Variants in PRICKLE1 observed in about 807,000 individuals in gnomAD.
PRICKLE1 encodes prickle planar cell polarity protein 1, also known as prickle-like protein 1.
Under a neutral mutation model 70.2 loss-of-function variants are expected in PRICKLE1, and 14 were observed. That is an observed-to-expected ratio of 0.20 (90% CI 0.13 to 0.31). PRICKLE1 has a LOEUF of 0.31. Ranked by LOEUF, PRICKLE1 falls within the 10% of genes least tolerant of loss-of-function variation. The pLI, the probability that PRICKLE1 is intolerant of heterozygous loss-of-function variation, is 1.00. For synonymous variants in PRICKLE1, 357 were observed against 379.9 expected, an observed-to-expected ratio of 0.94 and a Z score of 0.70; for missense variants, 821 against 1,026.2, an observed-to-expected ratio of 0.80 and a Z score of 2.73.
chr12:42,580,046 T>G (rs191914743), intron 1 of PRICKLE1, among the ~76,000 whole-genome samples: 260 of 150,668 alleles, frequency 1.7e-3, no homozygotes, highest in Non-Finnish European at 2.8e-3. Flanking sequence ...TAATTTTTTG[T>G]TTTTTTTTAG....
At chr12:42,548,505 G>A (rs909715989) in intron 1 of PRICKLE1, among the ~76,000 whole-genome samples, 3 of 152,204 alleles carry the variant, frequency 2.0e-5, no homozygotes, top group Non-Finnish European at 4.4e-5. Context: ...ATCTAGAAGG[G>A]GGTTGAAGGC....
chr12:42,497,869 A>G (rs1007457063), intron 1 of PRICKLE1, among the ~76,000 whole-genome samples: 17 of 151,978 alleles, frequency 1.1e-4, no homozygotes, highest in African/African-American at 4.1e-4. Flanking sequence ...CCCTACTCCT[A>G]CGGCTGCTGC....
intron 5 of PRICKLE1, 100 bp from the exon 6 acceptor site, chr12:42,466,480 G>A: frequency 9.8e-7 from 1 of 1,024,690 alleles, no homozygotes; most frequent in Non-Finnish European, 1.5e-6. Flanking sequence ...GACAGACACT[G>A]GCTCTTAAAA....
chr12:42,583,241 AGACTTT>A (rs1165195367), intron 1 of PRICKLE1, among the ~76,000 whole-genome samples: 1 of 152,078 alleles, frequency 6.6e-6, no homozygotes, highest in Non-Finnish European at 1.5e-5. Flanking sequence ...AGGTTTTAAT[AGACTTT>A]CTATTTCAAC....
In PRICKLE1 at chr12:42,460,535, C is replaced by T. The variant is rs1212454052; in HGVS notation, c.1770G>A (p.Arg590=). 1 of 1,613,986 alleles carries T rather than the reference C, an allele frequency of 6.2e-7. No individual in the cohort carries two copies. The highest frequency in any genetic ancestry group is 8.5e-7 in the Non-Finnish European group (1 of 1,179,996). Residue 590 remains arginine (R), a synonymous_variant, in exon 8 of 8, where the codon AGG becomes AGA. Transcript: ENST00000345127. ...TTAGACTCTTTAAGGACTCTGCACT[C>T]CTGTGCAGCATGGAAGAGTTCAAAG... ...MGTLNSSMLH[R]SAESLKSLSS... is the part of the protein sequence containing the mutation.
At chr12:42,527,863 T>C (rs1314393715) in intron 1 of PRICKLE1, among the ~76,000 whole-genome samples, 2 of 147,842 alleles carry the variant, frequency 1.4e-5, no homozygotes, top group Non-Finnish European at 3.0e-5. Context: ...TATGTAATGA[T>C]AAGTAATCTA....
intron 1 of PRICKLE1, among the ~76,000 whole-genome samples, chr12:42,481,552 A>G (rs1938794746): frequency 6.6e-6 from 1 of 152,238 alleles, no homozygotes; most frequent in African/African-American, 2.4e-5. Context: ...CGTGGGCTAC[A>G]AACTGCTTAA....
At chr12:42,474,812 G>A (rs1938460704) in intron 1 of PRICKLE1, among the ~76,000 whole-genome samples, 1 of 152,138 alleles carries the variant, frequency 6.6e-6, no homozygotes, top group South Asian at 2.1e-4. Context: ...GCTAAATCAG[G>A]CTAAGCAGGG....
chr12:42,571,796 T>C (rs1252356151), intron 1 of PRICKLE1, among the ~76,000 whole-genome samples: 1 of 152,234 alleles, frequency 6.6e-6, no homozygotes, highest in African/African-American at 2.4e-5. Flanking sequence ...CAGAGGTACC[T>C]GTATGAGTAC....
chr12:42,526,793 G>T (rs991337015), intron 1 of PRICKLE1, among the ~76,000 whole-genome samples: 1 of 151,866 alleles, frequency 6.6e-6, no homozygotes, highest in Non-Finnish European at 1.5e-5. Flanking sequence ...GCTGAAAGAG[G>T]CTGAGGCAGA....
At chr12:42,532,371 C>T (rs995520978) in intron 1 of PRICKLE1, among the ~76,000 whole-genome samples, 1 of 152,106 alleles carries the variant, frequency 6.6e-6, no homozygotes, top group African/African-American at 2.4e-5. Context: ...ATTTTACTCA[C>T]ATAATAGAAA....
rs1938008313 is a variant in PRICKLE1, at chr12:42,464,621, C to T, written c.1413G>A (p.Met471Ile). The change falls in exon 7 of 8, where the codon ATG becomes ATA. Residue 471 changes from methionine (M) to isoleucine (I), a missense_variant. Met to Ile is a conservative substitution (Grantham distance 10, BLOSUM62 1). Transcript: ENST00000345127. This position sits in a 1 kb window ranked among gnomAD's most constrained non-coding sequence, Gnocchi z 4.2. ...SLASKKYQSDMYWAQSQDGLG... is the reference protein window; with the variant it reads ...SLASKKYQSDIYWAQSQDGLG... ...GTCCATCTTGTGACTGTGCCCAGTA[C>T]ATATCAGACTGGTATTTTTTACTTG... 1 of 1,613,966 alleles carries T rather than the reference C, an allele frequency of 6.2e-7. No individual in the cohort carries two copies. The highest frequency in any genetic ancestry group is 8.5e-7 in the Non-Finnish European group (1 of 1,180,006).
At chr12:42,555,808 T>C (rs78617426) in intron 1 of PRICKLE1, among the ~76,000 whole-genome samples, 1 of 152,220 alleles carries the variant, frequency 6.6e-6, no homozygotes, top group South Asian at 2.1e-4. Flanking sequence ...TATTTCTGCA[T>C]AGCATTTTCT....
At chr12:42,522,701 A>AT (rs1374524736) in intron 1 of PRICKLE1, among the ~76,000 whole-genome samples, 1 of 152,186 alleles carries the variant, frequency 6.6e-6, no homozygotes, top group East Asian at 1.9e-4. Context: ...ATTGCATCAA[A>AT]TAAGTTTTAT....
intron 1 of PRICKLE1, among the ~76,000 whole-genome samples, chr12:42,555,120 T>C (rs1940393009): frequency 1.3e-5 from 2 of 152,082 alleles, no homozygotes; most frequent in South Asian, 4.1e-4. Flanking sequence ...CTGGGCAACA[T>C]GGTGAAACCC....
intron 1 of PRICKLE1, among the ~76,000 whole-genome samples, chr12:42,522,665 T>G (rs2120486070): frequency 6.6e-6 from 1 of 152,354 alleles, no homozygotes; most frequent in East Asian, 1.9e-4. Context: ...GTATCCTATG[T>G]GGCACTTTGC....
chr12:42,495,456 CA>C (rs1566101378), intron 1 of PRICKLE1, among the ~76,000 whole-genome samples: 3 of 151,266 alleles, frequency 2.0e-5, no homozygotes, highest in Admixed American at 2.0e-4. Context: ...AGGCTGGTCT[CA>C]AACTCCTGGC....
At chr12:42,465,856 C>A in intron 6 of PRICKLE1, 1 of 393,476 alleles carries the variant, frequency 2.5e-6, no homozygotes, top group Non-Finnish European at 4.7e-6. Flanking sequence ...TAAGCAAAAA[C>A]ACACGTGAAA....
intron 1 of PRICKLE1, among the ~76,000 whole-genome samples, chr12:42,588,992 A>G (rs1296946500): frequency 6.6e-6 from 1 of 152,020 alleles, no homozygotes; most frequent in Non-Finnish European, 1.5e-5. Flanking sequence ...GTGGGAGTTG[A>G]TTCGCCTCTG....
Sources: gnomAD v4.1 joint callset for allele counts (sites outside exome capture counted in the v4.1 genomes callset) on GRCh38, gnomAD v4.1.1 for gene constraint, Gnocchi (gnomAD v3.1) non-coding constraint, MANE v1.5 for transcripts, NCBI Gene and HGNC (gene_info 2026-07-23, HGNC 2026-07-21) for gene names.